RABEP1: variants seen among roughly 807,000 people sequenced by gnomAD.
The protein encoded by RABEP1 is rab GTPase-binding effector protein 1.
A neutral mutation model predicts 123.4 loss-of-function variants in RABEP1; 51 were observed. That is an observed-to-expected ratio of 0.41 (90% CI 0.33 to 0.52). The LOEUF is 0.52. Among genes scored for constraint, RABEP1 ranks in the 20% least tolerant of loss-of-function variants. The pLI is 0.16. For synonymous variants in RABEP1, 347 were observed against 355.2 expected, an observed-to-expected ratio of 0.98 and a Z score of 0.26; for missense variants, 888 against 996.3, an observed-to-expected ratio of 0.89 and a Z score of 1.46.
At chr17:5,343,364 C>T (rs1907780618) in intron 5 of RABEP1, among the ~76,000 whole-genome samples, 1 of 152,098 alleles carries the variant, frequency 6.6e-6, no homozygotes, top group South Asian at 2.1e-4. Flanking sequence ...GACCAGCCAG[C>T]ACAACATAGT....
At chr17:5,329,818 C>CAT (rs61446536) in intron 2 of RABEP1, among the ~76,000 whole-genome samples, 9,307 of 142,770 alleles carry the variant, frequency 0.065, 288 homozygotes, top group Middle Eastern at 0.11. Flanking sequence ...TATATATGTT[C>CAT]ATATATATAT....
chr17:5,316,853 A>T lies in RABEP1; in HGVS notation c.163+8031A>T, dbSNP rs1308303130. Among the ~76,000 whole-genome samples the T allele has an allele frequency of 1.9e-3, 283 of 149,756 alleles. 1 individual carries two copies. The highest frequency in any genetic ancestry group is 3.7e-3 in the African/African-American group (150 of 40,582). ...GTCTCAAAAAAAAAAAAAAAAAAAAAAAATATAAGAAACAATACAAAATAC... is the reference window on the plus strand; with the variant it reads ...GTCTCAAAAAAAAAAAAAAAAAAAATAAATATAAGAAACAATACAAAATAC... On this transcript the variant is annotated intron_variant, in intron 2 of 17. Transcript: ENST00000537505.
intron 1 of RABEP1, among the ~76,000 whole-genome samples, chr17:5,284,362 A>G (rs947605585): frequency 2.0e-5 from 3 of 152,192 alleles, no homozygotes; most frequent in Non-Finnish European, 4.4e-5. Flanking sequence ...TTTATTTTAA[A>G]TTAATGTAGG....
At position 5,384,594 on chromosome 17, in the gene RABEP1, A is replaced by G. The variant is rs1425770760; in HGVS notation, c.*1371A>G. 1.4e-5 allele frequency: 3 copies of G among 215,606 alleles called. No individual in the cohort carries two copies. The highest frequency in any genetic ancestry group is 7.0e-5 in the East Asian group (1 of 14,256). The allele number at this position is 215,606 out of a possible 1,614,324, so 13.4% of individuals were successfully genotyped here. A position where few individuals can be genotyped will look rare whatever the true frequency, so the allele number is the denominator to read the frequency against. On this transcript the variant is annotated 3_prime_UTR_variant, in exon 18 of 18. Transcript: ENST00000537505. ...TGTCTTTGTTATAAATGAGGTCACT[A>G]TGGACTTACCCTAAAGATCTTCTGT...
At position 5,385,370 on chromosome 17, in the gene RABEP1, A is replaced by C. The variant is rs1911864282; in HGVS notation, c.*2147A>C. ...GTGCTTATATTCAGTCTGTGCCTAC[A>C]TGTTCTCATGCATGTCTAACCTGAT... On this transcript the variant is annotated 3_prime_UTR_variant, in exon 18 of 18. Transcript: ENST00000537505. 1.3e-5 allele frequency: 3 copies of C among 230,558 alleles called. No individual in the cohort carries two copies. In the Admixed American group the frequency reaches 1.7e-4, roughly 13 times the overall value. The allele number at this position is 230,558 out of a possible 1,614,324, so 14.3% of individuals were successfully genotyped here.
At chr17:5,309,377 C>T (rs777635063) in intron 2 of RABEP1, among the ~76,000 whole-genome samples, 8 of 151,986 alleles carry the variant, frequency 5.3e-5, no homozygotes, top group Non-Finnish European at 1.0e-4. Context: ...AGGCTGGGCG[C>T]GGTGGCTCAC....
chr17:5,293,459 C>A (rs1430467399), intron 1 of RABEP1, among the ~76,000 whole-genome samples: 1 of 151,928 alleles, frequency 6.6e-6, no homozygotes, highest in African/African-American at 2.4e-5. Context: ...GAGACAGGGT[C>A]TCTCTCCATC....
At chr17:5,342,302 A>C (rs998850830) in intron 5 of RABEP1, among the ~76,000 whole-genome samples, 1 of 152,240 alleles carries the variant, frequency 6.6e-6, no homozygotes, top group Non-Finnish European at 1.5e-5. Context: ...TATAGACTAC[A>C]TAATAAATGA....
Position 5,374,763 on chromosome 17 carries a change from C to T in RABEP1, c.2025+1309C>T, listed in dbSNP as rs547322171. On this transcript the variant is annotated intron_variant, in intron 13 of 17. Coordinates refer to ENST00000537505, the MANE Select transcript of RABEP1 (RefSeq NM_004703.6). ...CAAGTGATTCTCCTGCCTCAGCTTCCTGAGTACTGGGACAACAGGCGCGTG... is the reference window on the plus strand; with the variant it reads ...CAAGTGATTCTCCTGCCTCAGCTTCTTGAGTACTGGGACAACAGGCGCGTG... Among the ~76,000 whole-genome samples, 87 of 152,294 alleles carry T rather than the reference C, an allele frequency of 5.7e-4. 1 individual carries two copies. The highest frequency in any genetic ancestry group is 2.0e-3 in the African/African-American group (85 of 41,568).
chr17:5,335,152 T>C lies in RABEP1; in HGVS notation c.368-32T>C, dbSNP rs775464284. 7 of 1,551,240 alleles carry C rather than the reference T, an allele frequency of 4.5e-6. No homozygotes were observed. In the South Asian group the frequency reaches 4.9e-5, roughly 11 times the overall value. On this transcript the variant is annotated intron_variant, in intron 3 of 17. Transcript: ENST00000537505. ...CCAGGTTATTTTTTTTTCATAATGC[T>C]TAGATGTGAAATATGTGGTGATGTT...
intron 8 of RABEP1, among the ~76,000 whole-genome samples, chr17:5,357,479 C>G (rs1261891566): frequency 6.6e-6 from 1 of 152,120 alleles, no homozygotes; most frequent in Middle Eastern, 3.2e-3. Context: ...TCAAGCGATT[C>G]TCGTGCCTCA....
intron 17 of RABEP1, 100 bp from the exon 18 acceptor site, chr17:5,383,022 T>G: frequency 2.3e-6 from 2 of 872,784 alleles, no homozygotes; most frequent in South Asian, 2.7e-5. Flanking sequence ...AAGTGACTAG[T>G]ACTCTGGTGA....
At chr17:5,295,402 A>G (rs998803541) in intron 1 of RABEP1, among the ~76,000 whole-genome samples, 1 of 151,760 alleles carries the variant, frequency 6.6e-6, no homozygotes. Flanking sequence ...AAAAAAAAAA[A>G]AGTTATTTTT....
intron 5 of RABEP1, among the ~76,000 whole-genome samples, chr17:5,339,865 C>G (rs1194237824): frequency 6.6e-6 from 1 of 151,752 alleles, no homozygotes; most frequent in Non-Finnish European, 1.5e-5. Context: ...AAATTCGAAC[C>G]AAAAGAAAGC....
intron 2 of RABEP1, among the ~76,000 whole-genome samples, chr17:5,330,096 A>G (rs1353576613): frequency 1.3e-5 from 2 of 152,180 alleles, no homozygotes; most frequent in African/African-American, 4.8e-5. Context: ...TATCCCAGAA[A>G]TAATGCTTTT....
At chr17:5,293,044 G>A (rs2075047535) in intron 1 of RABEP1, among the ~76,000 whole-genome samples, 1 of 152,072 alleles carries the variant, frequency 6.6e-6, no homozygotes, top group Admixed American at 6.6e-5. Flanking sequence ...AATCTCAGCA[G>A]TTTGGAAGAC....
At chr17:5,317,239 T>A (rs1430948011) in intron 2 of RABEP1, among the ~76,000 whole-genome samples, 3 of 152,130 alleles carry the variant, frequency 2.0e-5, no homozygotes, top group Non-Finnish European at 4.4e-5. Context: ...GTAAAAAGAA[T>A]CACACAGCAT....
intron 1 of RABEP1, among the ~76,000 whole-genome samples, chr17:5,285,081 A>G (rs541857903): frequency 1.3e-5 from 2 of 152,098 alleles, no homozygotes; most frequent in Admixed American, 1.3e-4. Context: ...TATTCATTGT[A>G]ATTATTTTGT....
intron 1 of RABEP1, among the ~76,000 whole-genome samples, chr17:5,300,709 A>G (rs1432346347): frequency 6.6e-6 from 1 of 152,186 alleles, no homozygotes; most frequent in Admixed American, 6.5e-5. Flanking sequence ...TTAGCACCCT[A>G]TGAGCAGTCT....
Sources: allele counts gnomAD v4.1 joint callset (sites outside exome capture counted in the v4.1 genomes callset), GRCh38; gene constraint gnomAD v4.1.1; transcripts MANE v1.5; gene names NCBI Gene and HGNC (gene_info 2026-07-23, HGNC 2026-07-21).